FCHSD2: variants seen among roughly 807,000 people sequenced by gnomAD.
The protein encoded by FCHSD2 is FCH and double SH3 domains 2.
Under a neutral mutation model 108.1 loss-of-function variants are expected in FCHSD2, and 38 were observed. The ratio of observed to expected loss-of-function variants is 0.35; its 90% CI spans 0.27 to 0.46. FCHSD2 has a LOEUF of 0.46. Ranked by LOEUF, FCHSD2 falls within the 20% of genes least tolerant of loss-of-function variation. The pLI, the probability that FCHSD2 is intolerant of heterozygous loss-of-function variation, is 1.00. For missense variants in FCHSD2, 751 were observed against 897.8 expected (o/e 0.84, Z 2.09); for synonymous variants, 279 against 314.7 (o/e 0.89, Z 1.20).
At chr11:72,861,887 T>C (rs1442424823) in intron 13 of FCHSD2, among the ~76,000 whole-genome samples, 6 of 144,764 alleles carry the variant, frequency 4.1e-5, no homozygotes, top group South Asian at 2.2e-4. Context: ...GCTGAGATCA[T>C]GCCATTGCAC....
chr11:73,130,722 T>C (rs1293306669), intron 2 of FCHSD2, among the ~76,000 whole-genome samples: 1 of 152,244 alleles, frequency 6.6e-6, no homozygotes, highest in African/African-American at 2.4e-5. Context: ...TCTCAAACTA[T>C]ATTTCCTTCT....
chr11:72,966,924 C>T (rs1265303424), intron 8 of FCHSD2, among the ~76,000 whole-genome samples: 5 of 152,010 alleles, frequency 3.3e-5, no homozygotes, highest in African/African-American at 4.8e-5. Context: ...AGTGGCCGGG[C>T]GCGGTGGCTC....
At chr11:72,941,675 G>A (rs761950281) in intron 8 of FCHSD2, among the ~76,000 whole-genome samples, 6 of 152,016 alleles carry the variant, frequency 3.9e-5, no homozygotes, top group African/African-American at 7.2e-5. Flanking sequence ...ATATATGTAC[G>A]TTTGTTTAAA....
intron 3 of FCHSD2, among the ~76,000 whole-genome samples, chr11:73,061,549 A>C (rs1227708086): frequency 6.6e-6 from 1 of 152,238 alleles, no homozygotes; most frequent in Non-Finnish European, 1.5e-5. Flanking sequence ...CAGCAAACTA[A>C]GATCCACTGG....
At chr11:73,128,873 A>C (rs1420683158) in intron 2 of FCHSD2, among the ~76,000 whole-genome samples, 1 of 152,032 alleles carries the variant, frequency 6.6e-6, no homozygotes, top group Non-Finnish European at 1.5e-5. Flanking sequence ...ATTTCTTTTT[A>C]TTTTTATTTT....
intron 3 of FCHSD2, among the ~76,000 whole-genome samples, chr11:73,062,609 C>G (rs1445981839): frequency 2.6e-5 from 4 of 152,078 alleles, no homozygotes; most frequent in Non-Finnish European, 2.9e-5. Context: ...CCCGATGGAG[C>G]TGAAATACAC....
intron 3 of FCHSD2, among the ~76,000 whole-genome samples, chr11:73,018,776 C>T (rs796987670): frequency 3.9e-5 from 6 of 152,174 alleles, no homozygotes; most frequent in African/African-American, 1.4e-4. Context: ...GACCAGGTGG[C>T]TTTAATATAA....
intron 2 of FCHSD2, among the ~76,000 whole-genome samples, chr11:73,133,544 C>T (rs1006165983): frequency 1.3e-5 from 2 of 152,056 alleles, no homozygotes; most frequent in Admixed American, 1.3e-4. Flanking sequence ...CAGGCCAAGG[C>T]AGGTGGATCA....
intron 2 of FCHSD2, among the ~76,000 whole-genome samples, chr11:73,100,959 C>T (rs190581085): frequency 2.7e-3 from 413 of 151,916 alleles, no homozygotes; most frequent in Non-Finnish European, 2.9e-3. Context: ...TCACACAGAC[C>T]CTTGTTTTTT....
At chr11:72,959,109 T>A (rs945709239) in intron 8 of FCHSD2, among the ~76,000 whole-genome samples, 1 of 151,798 alleles carries the variant, frequency 6.6e-6, no homozygotes, top group Non-Finnish European at 1.5e-5. Context: ...CACTTGAGAT[T>A]CACAGGCTTA....
At chr11:72,905,312 A>G (rs563320275) in intron 9 of FCHSD2, among the ~76,000 whole-genome samples, 2 of 152,238 alleles carry the variant, frequency 1.3e-5, no homozygotes, top group Admixed American at 6.5e-5. Context: ...GTAGGTATTT[A>G]TATTTATGGG....
chr11:73,137,653 G>A (rs2135578693), intron 2 of FCHSD2, among the ~76,000 whole-genome samples: 1 of 152,328 alleles, frequency 6.6e-6, no homozygotes, highest in South Asian at 2.1e-4. Flanking sequence ...TGAGATCACA[G>A]AGAACAAAGA....
chr11:73,006,343 T>G (rs1857741147), intron 4 of FCHSD2, among the ~76,000 whole-genome samples: 1 of 152,192 alleles, frequency 6.6e-6, no homozygotes, highest in Non-Finnish European at 1.5e-5. Context: ...TTCCCTAAAA[T>G]CTGTTCTGGC....
chr11:72,900,341 G>T, intron 10 of FCHSD2: 1 of 1,538,606 alleles, frequency 6.5e-7, no homozygotes, highest in Non-Finnish European at 8.8e-7. Flanking sequence ...GCCCAGTAAA[G>T]ATTGCACAAG....
rs539766303 is a variant in FCHSD2, at chr11:73,041,354, T to C, written c.166-25469A>G. Among the ~76,000 whole-genome samples, 5 of 152,360 alleles carry C rather than the reference T, an allele frequency of 3.3e-5. No individual in the cohort carries two copies. The East Asian group carries it at 9.6e-4, about 29-fold the overall frequency. On this transcript the variant is annotated intron_variant, in intron 3 of 19. Coordinates refer to ENST00000409418, the MANE Select transcript of FCHSD2 (RefSeq NM_014824.3). ...AATTTACATTCCTACCAACAATGTA[T>C]AAGAGTTACCTTTTATCTGCATCCT...
chr11:72,931,276 T>TG (rs1230819387), intron 8 of FCHSD2, among the ~76,000 whole-genome samples: 1 of 145,408 alleles, frequency 6.9e-6, no homozygotes, highest in African/African-American at 2.5e-5. Flanking sequence ...TGTGGGTTTT[T>TG]TTTTTTTTTT....
At chr11:72,921,775 T>C (rs1422429264) in intron 9 of FCHSD2, 53 bp downstream of exon 9, 5 of 1,487,952 alleles carry the variant, frequency 3.4e-6, no homozygotes, top group African/African-American at 1.4e-5. Context: ...TATGCAGAAA[T>C]ACTTTAGCTT....
chr11:73,106,341 G>A (rs541128610), intron 2 of FCHSD2, among the ~76,000 whole-genome samples: 1 of 151,248 alleles, frequency 6.6e-6, no homozygotes, highest in Admixed American at 6.6e-5. Flanking sequence ...ATGAAGTCAA[G>A]GCTGCAGTGA....
intron 9 of FCHSD2, among the ~76,000 whole-genome samples, chr11:72,917,586 A>G (rs942978909): frequency 1.3e-5 from 2 of 152,118 alleles, no homozygotes. Flanking sequence ...TTGTAGTTCC[A>G]TATTAATTCG....
Sources: allele counts gnomAD v4.1 joint callset (sites outside exome capture counted in the v4.1 genomes callset), GRCh38; gene constraint gnomAD v4.1.1; transcripts MANE v1.5; gene names NCBI Gene and HGNC (gene_info 2026-07-23, HGNC 2026-07-21).